CEP250: variants seen among roughly 807,000 people sequenced by gnomAD.
The protein encoded by CEP250 is centrosome-associated protein CEP250.
A neutral mutation model predicts 315.7 loss-of-function variants in CEP250; 242 were observed. That is an observed-to-expected ratio of 0.77 (90% CI 0.69 to 0.85). The LOEUF (loss-of-function observed/expected upper bound fraction) is 0.85, where lower values mean the gene tolerates loss of function less well. CEP250 is among the 40% of genes least tolerant of loss of function. CEP250 has a pLI of 0.00. For missense variants in CEP250, 2,515 were observed against 2,886.4 expected (o/e 0.87, Z 2.95); for synonymous variants, 1,088 against 1,175.0 (o/e 0.93, Z 1.51).
Position 35,456,884 on chromosome 20 carries a change from C to T in CEP250, c.-298+1133C>T, listed in dbSNP as rs147002767. The stretch of plus-strand genomic sequence containing the variant: ...GAACATCCTGTCTCCCAGGTTCAGG[C>T]GATTCTCCCGCCTCAGCCTCCTGAG... On this transcript the variant is annotated intron_variant, in intron 1 of 34. Transcript: ENST00000397527. Among the ~76,000 whole-genome samples the T allele has an allele frequency of 9.2e-3, 1,387 of 151,168 alleles. 16 individuals carry two copies. The highest frequency in any genetic ancestry group is 0.031 in the African/African-American group (1,285 of 41,018).
Position 35,508,934 on chromosome 20 carries a change from C to T in CEP250, c.6907-9C>T. The stretch of plus-strand genomic sequence containing the variant: ...GCCGAGCCCTGATTTCTTATTTGCA[C>T]CTTGGCAGGTGGAGCGAGAACGGAG... On this transcript the variant is annotated splice_polypyrimidine_tract_variant and intron_variant, in intron 32 of 34. Coordinates refer to ENST00000397527, the MANE Select transcript of CEP250 (RefSeq NM_007186.6). 1 of 1,550,618 alleles carries T rather than the reference C, an allele frequency of 6.4e-7. No homozygotes were observed. Among genetic ancestry groups the T allele is most frequent in the Non-Finnish European group, 8.7e-7 (1 of 1,146,642 alleles).
chr20:35,496,750 T>C, intron 25 of CEP250, 35 bp downstream of exon 25: 1 of 1,592,832 alleles, frequency 6.3e-7, no homozygotes, highest in Non-Finnish European at 8.5e-7. Context: ...TCTGCATCCC[T>C]GGCAGAAGCC....
At chr20:35,485,373 C>CAAA (rs896722122) in intron 20 of CEP250, among the ~76,000 whole-genome samples, 2 of 79,638 alleles carry the variant, frequency 2.5e-5, no homozygotes, top group African/African-American at 8.4e-5. Context: ...GACTCTGTCT[C>CAAA]AAAAAAAAAA....
At position 35,466,056 on chromosome 20, in the gene CEP250, A is replaced by G. The variant is rs988843590; in HGVS notation, c.344A>G (p.Glu115Gly). The G allele has an allele frequency of 6.2e-7, 1 of 1,614,196 alleles. No homozygotes were observed. The highest frequency in any genetic ancestry group is 1.1e-5 in the South Asian group (1 of 91,084). ...EEQQRCESLA[E>G]VNTQLRLHME... ...CAGTGCAGGTGTGAGAGTCTAGCAG[A>G]GGTGAACACCCAGCTTCGACTGCAC... Residue 115 changes from glutamate to glycine, a missense_variant, in exon 7 of 35, where the codon GAG becomes GGG. Glu to Gly is a moderately conservative substitution (Grantham distance 98). Coordinates refer to ENST00000397527, the MANE Select transcript of CEP250 (RefSeq NM_007186.6).
chr20:35,462,796 C>G (rs1194929441), intron 4 of CEP250, among the ~76,000 whole-genome samples: 4 of 152,150 alleles, frequency 2.6e-5, no homozygotes, highest in African/African-American at 4.8e-5. Context: ...GGGTTTTGCT[C>G]TGTTGCCCAG....
In CEP250 at chr20:35,473,368, C is replaced by G. The variant is rs1305212376; in HGVS notation, c.1210-6C>G. On this transcript the variant is annotated splice_polypyrimidine_tract_variant and splice_region_variant and intron_variant, in intron 12 of 34. Transcript: ENST00000397527. ...TCATCTGGTTTCTCTTGCTCTCTCT[C>G]CACAGGACCTAAGGCAGCAGCTTGC... 6.2e-7 allele frequency: 1 copy of G among 1,610,246 alleles called. No individual in the cohort carries two copies. The highest frequency in any genetic ancestry group is 8.5e-7 in the Non-Finnish European group (1 of 1,177,946).
At chr20:35,508,248 G>GC in intron 32 of CEP250, 58 bp downstream of exon 32, 2 of 1,573,590 alleles carry the variant, frequency 1.3e-6, no homozygotes, top group Non-Finnish European at 1.7e-6. Flanking sequence ...GGTCCCTAGA[G>GC]CATAGGCTCA....
chr20:35,474,645 G>C, intron 14 of CEP250: 1 of 386,028 alleles, frequency 2.6e-6, no homozygotes, highest in South Asian at 2.0e-5. Flanking sequence ...GGGAAATCCA[G>C]AATCAATGGC....
chr20:35,465,020 A>G (rs2062840006), intron 5 of CEP250, among the ~76,000 whole-genome samples: 1 of 152,244 alleles, frequency 6.6e-6, no homozygotes, highest in Non-Finnish European at 1.5e-5. Context: ...AGCATAAGTC[A>G]AGGAGCATCT....
At chr20:35,485,830 T>G (rs1425026119) in intron 20 of CEP250, among the ~76,000 whole-genome samples, 3 of 147,290 alleles carry the variant, frequency 2.0e-5, no homozygotes, top group East Asian at 4.0e-4. Context: ...AAGTTTTTTT[T>G]TTTTTTTTTT....
rs1483917006 is a variant in CEP250, at chr20:35,497,917, G to A, written c.3505G>A (p.Glu1169Lys). 2.5e-6 allele frequency: 4 copies of A among 1,610,696 alleles called. No individual in the cohort carries two copies. The highest frequency in any genetic ancestry group is 3.4e-6 in the Non-Finnish European group (4 of 1,178,654). The part of the protein sequence containing the change: ...TESQLEALAA[E>K]QQPGNQAQAQ... ...GAGCCAGCTAGAAGCGCTGGCCGCA[G>A]AGCAGCAGCCCGGGAACCAGGCCCA... The change falls in exon 26 of 35, where the codon GAG becomes AAG. Residue 1169 changes from glutamate (E) to lysine (K), a missense_variant. Transcript: ENST00000397527.
upstream of CEP250, chr20:35,455,549 C>G (rs2062598951): frequency 6.6e-6 from 1 of 152,378 alleles, no homozygotes; most frequent in Admixed American, 6.5e-5. Flanking sequence ...CCCCCCGCCC[C>G]TCGCTCCCTG....
Position 35,465,777 on chromosome 20 carries a change from A to G in CEP250, c.278A>G (p.Glu93Gly). 1.2e-6 allele frequency: 2 copies of G among 1,609,546 alleles called. No individual in the cohort carries two copies. The highest frequency in any genetic ancestry group is 2.2e-5 in the South Asian group (2 of 89,602). The change falls in exon 6 of 35, where the codon GAG (glutamate) becomes GGG (glycine). Residue 93 changes from glutamate to glycine, a missense_variant. Transcript: ENST00000397527. ...PIPQRWENVEEPNLDELLVRL... is the reference protein window; with the variant it reads ...PIPQRWENVEGPNLDELLVRL... Reference sequence around the variant, plus strand: ...CCCCAGAGGTGGGAAAATGTGGAGGAGCCAAACCTGGATGAGCTGCTGGTC... The same window carrying G: ...CCCCAGAGGTGGGAAAATGTGGAGGGGCCAAACCTGGATGAGCTGCTGGTC...
At chr20:35,484,603 C>G (rs942900853) in intron 20 of CEP250, among the ~76,000 whole-genome samples, 1 of 151,108 alleles carries the variant, frequency 6.6e-6, no homozygotes, top group African/African-American at 2.5e-5. Flanking sequence ...CACTACAGCC[C>G]AGAGATAGGC....
Position 35,504,254 on chromosome 20 carries a change from G to GGGCTGA in CEP250, c.5890_5895dup (p.Glu1964_Ala1965dup). 1 of 1,597,886 alleles carries GGGCTGA rather than the reference G, an allele frequency of 6.3e-7. No homozygotes were observed. Among genetic ancestry groups the GGGCTGA allele is most frequent in the Non-Finnish European group, 8.5e-7 (1 of 1,172,796 alleles). Reference sequence around the variant, plus strand: ...CATCAGGAGGAGGCTGCCCGGGCCCGGGCTGAGGCTCTGCAGGAGGCCCTT... The same window carrying GGGCTGA: ...CATCAGGAGGAGGCTGCCCGGGCCCGGGCTGAGGCTGAGGCTCTGCAGGAGGCCCTT... On this transcript the variant is annotated inframe_insertion, in exon 30 of 35. Coordinates refer to ENST00000397527, the MANE Select transcript of CEP250 (RefSeq NM_007186.6).
In CEP250 at chr20:35,503,431, A is replaced by G; in HGVS notation, c.5062A>G (p.Ile1688Val). 6.2e-7 allele frequency: 1 copy of G among 1,614,180 alleles called. No individual in the cohort carries two copies. Among genetic ancestry groups the G allele is most frequent in the Non-Finnish European group, 8.5e-7 (1 of 1,180,034 alleles). ...TKILEEDLEQ[I>V]KLSLRERGRE... ...GATCCTGGAGGAGGACCTGGAACAG[A>G]TCAAGCTGTCCTTGAGAGAGCGAGG... The change falls in exon 30 of 35, where the codon ATC (isoleucine) becomes GTC (valine). Residue 1688 changes from isoleucine (I) to valine (V), a missense_variant. By Grantham distance (29) the Ile-to-Val change is conservative. Coordinates refer to ENST00000397527, the MANE Select transcript of CEP250 (RefSeq NM_007186.6). The surrounding 1 kb of genome is among the most constrained non-coding windows in gnomAD (Gnocchi z 4.2).
At position 35,504,012 on chromosome 20, in the gene CEP250, G is replaced by A. The variant is rs749858363; in HGVS notation, c.5643G>A (p.Arg1881=). ...LEEELAVEGR[R]VQALEEVLGD... is the part of the protein sequence containing the mutation. Reference sequence around the variant, plus strand: ...AAGAGCTGGCAGTGGAGGGACGGCGGGTCCAGGCCCTGGAGGAGGTGCTGG... The same window carrying A: ...AAGAGCTGGCAGTGGAGGGACGGCGAGTCCAGGCCCTGGAGGAGGTGCTGG... The change falls in exon 30 of 35, where the codon CGG becomes CGA. Residue 1881 remains arginine (R), a synonymous_variant. Coordinates refer to ENST00000397527, the MANE Select transcript of CEP250 (RefSeq NM_007186.6). 2 of 1,608,746 alleles carry A rather than the reference G, an allele frequency of 1.2e-6. No individual in the cohort carries two copies. Among genetic ancestry groups the A allele is most frequent in the Non-Finnish European group, 1.7e-6 (2 of 1,176,938 alleles).
At position 35,491,197 on chromosome 20, in the gene CEP250, C is replaced by T. The variant is rs1417814109; in HGVS notation, c.2755-15C>T. The stretch of plus-strand genomic sequence containing the variant: ...TCCTGAGCCCACAAGCTGTTACCCC[C>T]CTACCCCTCCACAGATGCAGCTGGA... On this transcript the variant is annotated splice_polypyrimidine_tract_variant and intron_variant, in intron 21 of 34. Coordinates refer to ENST00000397527, the MANE Select transcript of CEP250 (RefSeq NM_007186.6). The T allele has an allele frequency of 1.9e-6, 3 of 1,610,332 alleles. No individual in the cohort carries two copies. The highest frequency in any genetic ancestry group is 1.1e-5 in the South Asian group (1 of 90,374).
At position 35,498,048 on chromosome 20, in the gene CEP250, C is replaced by A; in HGVS notation, c.3636C>A (p.Ser1212=). Residue 1212 remains serine (S), a synonymous_variant, in exon 26 of 35, where the codon TCC becomes TCA. Coordinates refer to ENST00000397527, the MANE Select transcript of CEP250 (RefSeq NM_007186.6). ...GTGGTGGGGGAGACTCTGCTCCTTC[C>A]GTCTGGGGCCTTGAGCCAGGTGAGA... ...ELSGGGDSAP[S]VWGLEPDQNG... 1.3e-6 allele frequency: 2 copies of A among 1,578,844 alleles called. No individual in the cohort carries two copies. Among genetic ancestry groups the A allele is most frequent in the Non-Finnish European group, 8.6e-7 (1 of 1,158,310 alleles).
Sources: allele counts gnomAD v4.1 joint callset (sites outside exome capture counted in the v4.1 genomes callset), GRCh38; gene constraint gnomAD v4.1.1; non-coding constraint Gnocchi (gnomAD v3.1); transcripts MANE v1.5; gene names NCBI Gene and HGNC (gene_info 2026-07-23, HGNC 2026-07-21).